SEC31A: variants seen among roughly 807,000 people sequenced by gnomAD.
The protein encoded by SEC31A is SEC31 homolog A, COPII component.
SEC31A carries 70 observed loss-of-function variants against 151.0 expected under a neutral mutation model. The ratio of observed to expected loss-of-function variants is 0.46; its 90% CI spans 0.38 to 0.57. The LOEUF (loss-of-function observed/expected upper bound fraction) is 0.57. Among genes scored for constraint, SEC31A ranks in the 20% least tolerant of loss-of-function variants. SEC31A has a pLI of 0.00. For missense variants in SEC31A, 1,330 were observed against 1,471.2 expected (o/e 0.90, Z 1.57); for synonymous variants, 475 against 505.9 (o/e 0.94, Z 0.82).
rs547243933 is a variant in SEC31A at position 82,891,119 on chromosome 4, G to A, written c.-36C>T. 3.3e-6 allele frequency: 5 copies of A among 1,535,856 alleles called. No homozygotes were observed. Among genetic ancestry groups the A allele is most frequent in the African/African-American group, 1.4e-5 (1 of 73,044 alleles). On this transcript the variant is annotated 5_prime_UTR_variant, in exon 1 of 27. In the 5' UTR this introduces an upstream ATG that the reference lacks. Coordinates refer to ENST00000395310, the MANE Select transcript of SEC31A (RefSeq NM_001077207.4). Reference sequence around the variant, plus strand: ...AGGACCTTCGGCAGCCGGATCCTGCGTTAGTGCAGCGCTCGTCGGACTCTC... The same window carrying A: ...AGGACCTTCGGCAGCCGGATCCTGCATTAGTGCAGCGCTCGTCGGACTCTC...
intron 8 of SEC31A, 47 bp downstream of exon 8, chr4:82,870,278 A>G: frequency 7.0e-7 from 1 of 1,419,686 alleles, no homozygotes; most frequent in Non-Finnish European, 9.9e-7. Context: ...AGCCAGAAGT[A>G]ACATACTATA....
rs145124450 is a variant in SEC31A at position 82,868,210 on chromosome 4, T to C, written c.883-894A>G. ...AGAGAAAGAACTATAGAAAATGACC[T>C]ACATGAGGCTGGGCATGGTGGTTCA... On this transcript the variant is annotated intron_variant, in intron 8 of 26. Transcript: ENST00000395310. Among the ~76,000 whole-genome samples the C allele has an allele frequency of 7.4e-4, 113 of 152,224 alleles. 1 individual carries two copies. Among genetic ancestry groups the C allele is most frequent in the African/African-American group, 2.4e-3 (99 of 41,554 alleles).
chr4:82,855,004 T>G lies in SEC31A; in HGVS notation c.1907A>C (p.Asn636Thr). 1 of 1,613,510 alleles carries G rather than the reference T, an allele frequency of 6.2e-7. No individual in the cohort carries two copies. The highest frequency in any genetic ancestry group is 8.5e-7 in the Non-Finnish European group (1 of 1,179,786). Residue 636 changes from asparagine (N) to threonine (T), a missense_variant, in exon 17 of 27, where the codon AAC becomes ACC. Asn to Thr is a moderately conservative substitution (Grantham distance 65). Coordinates refer to ENST00000395310, the MANE Select transcript of SEC31A (RefSeq NM_001077207.4). ...ACAAGACTCAACAATCTCTTTCCAG[T>G]TCTTCATCACCACTGCAGTGATGAG... ...TRLITAVVMK[N>T]WKEIVESCDL...
chr4:82,827,562 G>A lies in SEC31A; in HGVS notation c.3098C>T (p.Ser1033Leu), dbSNP rs752671018. 5 of 1,614,074 alleles carry A rather than the reference G, an allele frequency of 3.1e-6. No homozygotes were observed. The highest frequency in any genetic ancestry group is 4.2e-6 in the Non-Finnish European group (5 of 1,180,032). ...TGAAGGCTGTTGCTGCAGCATTTGT[G>A]ACTGGGGGTCACCCAACGGGTTCAT... is the stretch of plus-strand genomic sequence containing the variant. Reference protein sequence around the residue: ...PIMNPLGDPQSQMLQQQPSAP... With the variant: ...PIMNPLGDPQLQMLQQQPSAP... Residue 1033 changes from serine to leucine, a missense_variant, in exon 24 of 27, where the codon TCA becomes TTA. By Grantham distance (145) the Ser-to-Leu change is moderately radical (BLOSUM62 -2). Coordinates refer to ENST00000395310, the MANE Select transcript of SEC31A (RefSeq NM_001077207.4).
At chr4:82,841,278 C>T (rs909590310) in intron 22 of SEC31A, among the ~76,000 whole-genome samples, 2 of 150,796 alleles carry the variant, frequency 1.3e-5, no homozygotes, top group African/African-American at 2.4e-5. Flanking sequence ...CAAAAATTAG[C>T]TGGGCTTGGT....
At position 82,854,938 on chromosome 4, in the gene SEC31A, G is replaced by A; in HGVS notation, c.1973C>T (p.Thr658Ile). 6.2e-7 allele frequency: 1 copy of A among 1,613,808 alleles called. No individual in the cohort carries two copies. ...NWREALAAVL[T>I]YAKPDEFSAL... ...TGAAAATTCATCCGGCTTTGCATAA[G>A]TCAATACTGCAGCTAAAGCCTCTCT... Residue 658 changes from threonine to isoleucine, a missense_variant, in exon 17 of 27, where the codon ACT becomes ATT. By Grantham distance (89) the Thr-to-Ile change is moderately conservative (BLOSUM62 -1). Transcript: ENST00000395310.
Position 82,881,912 on chromosome 4 carries a change from T to C in SEC31A, c.25A>G (p.Thr9Ala). The stretch of plus-strand genomic sequence containing the variant: ...GCAGGGCTCCATGCCTGCATGGCTG[T>C]ACGATCTACTTCCTTTAACTTCATC... The part of the protein sequence containing the change: MKLKEVDR[T>A]AMQAWSPAQN... The change falls in exon 2 of 27, where the codon ACA (threonine) becomes GCA (alanine). Residue 9 changes from threonine (T) to alanine (A), a missense_variant. By Grantham distance (58) the Thr-to-Ala change is moderately conservative. Transcript: ENST00000395310. 1 of 1,614,150 alleles carries C rather than the reference T, an allele frequency of 6.2e-7. No homozygotes were observed. Among genetic ancestry groups the C allele is most frequent in the Non-Finnish European group, 8.5e-7 (1 of 1,179,956 alleles).
chr4:82,865,080 C>T (rs888955266), intron 10 of SEC31A, among the ~76,000 whole-genome samples: 2 of 151,954 alleles, frequency 1.3e-5, no homozygotes, highest in Admixed American at 6.6e-5. Flanking sequence ...AACAGACTTA[C>T]GAGTGACATA....
intron 1 of SEC31A, among the ~76,000 whole-genome samples, chr4:82,888,373 A>C (rs1318717345): frequency 0.024 from 760 of 31,024 alleles, 30 homozygotes; most frequent in East Asian, 0.039. Context: ...AAAAAAAAAA[A>C]CACACAAAAA....
chr4:82,830,516 T>G (rs1368622948), intron 22 of SEC31A, among the ~76,000 whole-genome samples: 1 of 152,174 alleles, frequency 6.6e-6, no homozygotes, highest in Non-Finnish European at 1.5e-5. Flanking sequence ...CTTAAAAGTT[T>G]ACTAGGAGAC....
At position 82,827,509 on chromosome 4, in the gene SEC31A, A is replaced by C. The variant is rs144978009; in HGVS notation, c.3151T>G (p.Ser1051Ala). The change falls in exon 24 of 27, where the codon TCA becomes GCA. Residue 1051 changes from serine (S) to alanine (A), a missense_variant. Coordinates refer to ENST00000395310, the MANE Select transcript of SEC31A (RefSeq NM_001077207.4). ...CCTGGAAGATGTGGCTGTGGGAATGAAGACTGGCTTGACAGTGGTACTGGA... is the reference window on the plus strand; with the variant it reads ...CCTGGAAGATGTGGCTGTGGGAATGCAGACTGGCTTGACAGTGGTACTGGA... ...SAPVPLSSQS[S>A]FPQPHLPGGQ... 5.6e-6 allele frequency: 9 copies of C among 1,614,096 alleles called. No individual in the cohort carries two copies. In the Admixed American group the frequency reaches 8.3e-5, roughly 15 times the overall value.
At chr4:82,866,684 A>C in intron 10 of SEC31A, 124 bp downstream of exon 10, 1 of 809,482 alleles carries the variant, frequency 1.2e-6, no homozygotes, top group Non-Finnish European at 1.8e-6. Context: ...ATGATGAAAT[A>C]CCCACAAGTA....
At chr4:82,897,820 T>C (rs896348098) in intron 3 of SEC31A, 1 of 152,194 alleles carries the variant, frequency 6.6e-6, no homozygotes, top group African/African-American at 2.4e-5. Context: ...TAAATAAATA[T>C]CTGTTATTAT....
Position 82,848,955 on chromosome 4 carries a change from T to C in SEC31A, c.2351A>G (p.Asp784Gly). 1 of 1,613,216 alleles carries C rather than the reference T, an allele frequency of 6.2e-7. No individual in the cohort carries two copies. The highest frequency in any genetic ancestry group is 8.5e-7 in the Non-Finnish European group (1 of 1,179,750). The change falls in exon 20 of 27, where the codon GAC (aspartate) becomes GGC (glycine). Residue 784 changes from aspartate (D) to glycine (G), a missense_variant. Asp to Gly is a moderately conservative substitution (Grantham distance 94). Transcript: ENST00000395310. ...TNQPNIMQLRDRLCRAQGEPV... is the reference protein window; with the variant it reads ...TNQPNIMQLRGRLCRAQGEPV... Reference sequence around the variant, plus strand: ...CTCTCCTTGTGCTCTACAAAGTCTGTCACGAAGCTGCATGATATTTGGCTA... The same window carrying C: ...CTCTCCTTGTGCTCTACAAAGTCTGCCACGAAGCTGCATGATATTTGGCTA...
chr4:82,833,673 T>C (rs58632358), intron 22 of SEC31A, among the ~76,000 whole-genome samples: 43,466 of 151,960 alleles, frequency 0.29, 7,513 homozygotes, highest in East Asian at 0.49. Context: ...TGTCAAATAC[T>C]TAGGGTCAGG....
chr4:82,882,401 CAAAAAAAAAAAAAAAAAAAA>C (rs57974382), intron 1 of SEC31A, among the ~76,000 whole-genome samples: 1 of 92,482 alleles, frequency 1.1e-5, no homozygotes, highest in East Asian at 3.5e-4. Context: ...GACTCTATCT[CAAAAAAAAAAAAAAAAAAAA>C]AAAAAAAAAA....
intron 25 of SEC31A, among the ~76,000 whole-genome samples, chr4:82,822,281 T>C (rs1481925345): frequency 6.6e-6 from 1 of 150,998 alleles, no homozygotes; most frequent in Non-Finnish European, 1.5e-5. Flanking sequence ...ATAACTGCTA[T>C]GAAGAAAAGT....
chr4:82,827,415 G>A lies in SEC31A; in HGVS notation c.3245C>T (p.Pro1082Leu). The A allele has an allele frequency of 6.2e-7, 1 of 1,614,200 alleles. No individual in the cohort carries two copies. The highest frequency in any genetic ancestry group is 8.5e-7 in the Non-Finnish European group (1 of 1,180,036). ...AGCCCCTGGGGCACCTTCAATATTGGGCTTTGAAAAAGATGGTGGCATGCC... is the reference window on the plus strand; with the variant it reads ...AGCCCCTGGGGCACCTTCAATATTGAGCTTTGAAAAAGATGGTGGCATGCC... ...QTGMPPSFSK[P>L]NIEGAPGAPI... Residue 1082 changes from proline (P) to leucine (L), a missense_variant, in exon 24 of 27, where the codon CCC becomes CTC. Transcript: ENST00000395310.
At position 82,865,536 on chromosome 4, in the gene SEC31A, GTATATATATATA is replaced by G. The variant is rs55681370; in HGVS notation, c.1198-950_1198-939del. ...AAATGAATGGATAAAAAAAAATGTG[GTATATATATATA>G]TATATATATATATATATATATATAT... On this transcript the variant is annotated intron_variant, in intron 10 of 26. Coordinates refer to ENST00000395310, the MANE Select transcript of SEC31A (RefSeq NM_001077207.4). Among the ~76,000 whole-genome samples the G allele has an allele frequency of 4.0e-3, 543 of 137,068 alleles. 2 individuals carry two copies. Among genetic ancestry groups the G allele is most frequent in the African/African-American group, 0.013 (458 of 36,324 alleles). 89.9% of individuals were successfully genotyped at this position (137,068 alleles called of 152,430 possible).
Sources: allele counts gnomAD v4.1 joint callset (sites outside exome capture counted in the v4.1 genomes callset), GRCh38; gene constraint gnomAD v4.1.1; transcripts MANE v1.5; gene names NCBI Gene and HGNC (gene_info 2026-07-23, HGNC 2026-07-21).